The following WBP1L variants were observed in gnomAD, a reference collection of about 807,000 sequenced individuals.
The protein encoded by WBP1L is WW domain binding protein 1 like.
WBP1L carries 17 observed loss-of-function variants against 33.7 expected under a neutral mutation model. The ratio of observed to expected loss-of-function variants is 0.50; its 90% CI spans 0.34 to 0.76. WBP1L has a LOEUF of 0.76. Among genes scored for constraint, WBP1L ranks in the 30% least tolerant of loss-of-function variants. WBP1L has a pLI of 0.01. For synonymous variants in WBP1L, 173 were observed against 190.8 expected (o/e 0.91, Z 0.77); for missense variants, 389 against 469.4 (o/e 0.83, Z 1.58).
chr10:102,803,760 C>T (rs7918308), intron 2 of WBP1L, among the ~76,000 whole-genome samples: 78,753 of 151,798 alleles, frequency 0.52, 21,448 homozygotes, highest in Non-Finnish European at 0.62. Flanking sequence ...AGGTGCCTGC[C>T]ACTACGCCCA....
rs117083544 is a variant in WBP1L at position 102,794,891 on chromosome 10, C to T, written c.91-3102C>T. ...CATATCTCACTATCTCCTGAATCCTCCTTCACCTCTTCCTTGCTAGAGGTA... is the reference window on the plus strand; with the variant it reads ...CATATCTCACTATCTCCTGAATCCTTCTTCACCTCTTCCTTGCTAGAGGTA... On this transcript the variant is annotated intron_variant, in intron 1 of 3. Transcript: ENST00000448841. 8.1e-4 allele frequency among the ~76,000 whole-genome samples: 123 copies of T among 152,272 alleles called. 1 individual carries two copies. In the East Asian group the frequency reaches 0.022, roughly 27 times the overall value.
chr10:102,753,281 G>A (rs1392232777), intron 1 of WBP1L, among the ~76,000 whole-genome samples: 2 of 152,182 alleles, frequency 1.3e-5, no homozygotes, highest in African/African-American at 4.8e-5. Flanking sequence ...GCATACAGTA[G>A]ACAGGCTGAG....
At chr10:102,770,902 T>G (rs1333195776) in intron 1 of WBP1L, among the ~76,000 whole-genome samples, 2 of 152,218 alleles carry the variant, frequency 1.3e-5, no homozygotes, top group Non-Finnish European at 2.9e-5. Context: ...GCCTGTGTGT[T>G]CATAAAGGAA....
chr10:102,811,630 C>G (rs1843844511), intron 3 of WBP1L, among the ~76,000 whole-genome samples: 1 of 152,196 alleles, frequency 6.6e-6, no homozygotes, highest in African/African-American at 2.4e-5. Context: ...TGTGCCTGAG[C>G]TTCCCAAGTA....
intron 1 of WBP1L, 197 bp downstream of exon 1, chr10:102,744,340 G>T: frequency 1.0e-6 from 1 of 976,582 alleles, no homozygotes; most frequent in Non-Finnish European, 1.2e-6. Flanking sequence ...CAAGGAGGTG[G>T]CAGAGGCATG....
chr10:102,761,800 C>T (rs1476092679), intron 1 of WBP1L, among the ~76,000 whole-genome samples: 1 of 152,008 alleles, frequency 6.6e-6, no homozygotes, highest in Non-Finnish European at 1.5e-5. Flanking sequence ...CCACCCACCT[C>T]GGCCTCCGAA....
chr10:102,762,221 T>G (rs1263987797), intron 1 of WBP1L, among the ~76,000 whole-genome samples: 1 of 151,948 alleles, frequency 6.6e-6, no homozygotes, highest in Non-Finnish European at 1.5e-5. Flanking sequence ...TAAAAATAAA[T>G]AAAAAATGAA....
intron 3 of WBP1L, among the ~76,000 whole-genome samples, chr10:102,811,749 G>T (rs528150330): frequency 6.6e-6 from 1 of 152,306 alleles, no homozygotes; most frequent in Non-Finnish European, 1.5e-5. Context: ...GAGCTCAAGT[G>T]ATCTGCCCGC....
At chr10:102,810,203 G>C in intron 3 of WBP1L, 149 bp downstream of exon 3, 3 of 1,085,634 alleles carry the variant, frequency 2.8e-6, no homozygotes, top group Non-Finnish European at 3.9e-6. Context: ...TGAAAGTACA[G>C]GAACAAGGGG....
intron 1 of WBP1L, among the ~76,000 whole-genome samples, chr10:102,773,914 A>G (rs1168260995): frequency 6.6e-6 from 1 of 152,042 alleles, no homozygotes; most frequent in Non-Finnish European, 1.5e-5. Context: ...ATAGCCCATT[A>G]GAGCAAGGTT....
rs767981210 is a variant in WBP1L at position 102,813,265 on chromosome 10, CCTG to C, written c.1033_1035del (p.Leu345del). The C allele has an allele frequency of 2.5e-6, 4 of 1,613,122 alleles. No individual in the cohort carries two copies. The highest frequency in any genetic ancestry group is 3.4e-6 in the Non-Finnish European group (4 of 1,179,996). The stretch of plus-strand genomic sequence containing the variant: ...CGCACCTGCCACGGCCGCCCGCATG[CCTG>C]CTGCTGAACACCATCAACGAGCAGG... On this transcript the variant is annotated inframe_deletion, in exon 4 of 4. Coordinates refer to ENST00000448841, the MANE Select transcript of WBP1L (RefSeq NM_001083913.2).
intron 2 of WBP1L, among the ~76,000 whole-genome samples, chr10:102,802,373 GT>G (rs1197617045): frequency 5.2e-4 from 77 of 149,042 alleles, no homozygotes; most frequent in Non-Finnish European, 8.2e-4. Flanking sequence ...TTTACCTGCC[GT>G]TTTTTTTTGT....
rs1357931241 is a variant in WBP1L at position 102,814,964 on chromosome 10, A to G, written c.*1633A>G. 3 of 152,616 alleles carry G rather than the reference A, an allele frequency of 2.0e-5. No individual in the cohort carries two copies. The highest frequency in any genetic ancestry group is 4.4e-5 in the Non-Finnish European group (3 of 68,044). The allele number at this position is 152,616 out of a possible 1,614,324, so 9.5% of individuals were successfully genotyped here. ...GTCTGCATTTAGATTCCACAAAACC[A>G]AAATCCATGTTGAACAAAGTTAAGT... On this transcript the variant is annotated 3_prime_UTR_variant, in exon 4 of 4. Transcript: ENST00000448841.
chr10:102,748,330 C>T (rs1842889718), intron 1 of WBP1L, among the ~76,000 whole-genome samples: 1 of 151,616 alleles, frequency 6.6e-6, no homozygotes, highest in Admixed American at 6.6e-5. Flanking sequence ...TATTTTTTCC[C>T]ACCTCACCCT....
chr10:102,811,659 T>C (rs1317095335), intron 3 of WBP1L, among the ~76,000 whole-genome samples: 1 of 152,138 alleles, frequency 6.6e-6, no homozygotes, highest in East Asian at 1.9e-4. Flanking sequence ...TACAAGACCA[T>C]GCCATCACAC....
intron 1 of WBP1L, among the ~76,000 whole-genome samples, chr10:102,789,182 C>A (rs759843810): frequency 3.3e-5 from 5 of 152,112 alleles, no homozygotes; most frequent in Admixed American, 6.5e-5. Flanking sequence ...AGGCTGGTCT[C>A]GAATTCGTAA....
At chr10:102,790,663 A>G (rs1488841795) in intron 1 of WBP1L, among the ~76,000 whole-genome samples, 1 of 152,026 alleles carries the variant, frequency 6.6e-6, no homozygotes, top group Non-Finnish European at 1.5e-5. Flanking sequence ...GGCGCCCGCC[A>G]CCACGCCCAG....
At chr10:102,797,207 G>A (rs1447379427) in intron 1 of WBP1L, among the ~76,000 whole-genome samples, 4 of 152,196 alleles carry the variant, frequency 2.6e-5, no homozygotes, top group African/African-American at 9.7e-5. Flanking sequence ...GAGAGAAAGT[G>A]TTTTAAAAAG....
At chr10:102,772,101 A>G (rs1196440154) in intron 1 of WBP1L, among the ~76,000 whole-genome samples, 1 of 149,110 alleles carries the variant, frequency 6.7e-6, no homozygotes, top group East Asian at 2.1e-4. Flanking sequence ...CTGGAACTAC[A>G]GGCGCCCGCC....
Sources: allele counts gnomAD v4.1 joint callset (sites outside exome capture counted in the v4.1 genomes callset), GRCh38; gene constraint gnomAD v4.1.1; transcripts MANE v1.5; gene names NCBI Gene and HGNC (gene_info 2026-07-23, HGNC 2026-07-21).